UBN2: variants seen among roughly 807,000 people sequenced by gnomAD.
The protein encoded by UBN2 is ubinuclein-2.
Under a neutral mutation model 120.2 loss-of-function variants are expected in UBN2, and 35 were observed. The observed-to-expected ratio is 0.29, with a 90% CI of 0.22 to 0.39. The LOEUF is 0.39. UBN2 is among the 10% of genes least tolerant of loss of function. The pLI, the probability that UBN2 is intolerant of heterozygous loss-of-function variation, is 1.00. For synonymous variants in UBN2, 661 were observed against 648.7 expected, an observed-to-expected ratio of 1.02 and a Z score of -0.29; for missense variants, 1,693 against 1,663.2, an observed-to-expected ratio of 1.02 and a Z score of -0.31.
At chr7:139,269,544 A>G (rs372341236) in intron 8 of UBN2, 21 bp downstream of exon 8, 1 of 1,611,946 alleles carries the variant, frequency 6.2e-7, no homozygotes. Flanking sequence ...GAACAATAAT[A>G]TCTACATCTT....
rs1798341498 is a variant in UBN2, at chr7:139,305,408, AC to A, written c.*7573del. 1 of 152,206 alleles carries A rather than the reference AC, an allele frequency of 6.6e-6. No homozygotes were observed. The highest frequency in any genetic ancestry group is 2.1e-4 in the South Asian group (1 of 4,830). The allele number at this position is 152,206 out of a possible 1,614,324, so 9.4% of individuals were successfully genotyped here. On this transcript the variant is annotated 3_prime_UTR_variant, in exon 18 of 18. Transcript: ENST00000473989. Reference sequence around the variant, plus strand: ...GCCCTGTGCAGGCCTGCTTTAGAAGACTTTACATCCCAGCAGAGGATTCAGG... The same window carrying A: ...GCCCTGTGCAGGCCTGCTTTAGAAGATTTACATCCCAGCAGAGGATTCAGG...
At chr7:139,253,353 A>T (rs868154342) in intron 3 of UBN2, among the ~76,000 whole-genome samples, 1 of 152,208 alleles carries the variant, frequency 6.6e-6, no homozygotes, top group South Asian at 2.1e-4. Context: ...AATTTCTAGC[A>T]GTGGAATTTA....
chr7:139,246,451 A>G (rs1475929893), intron 2 of UBN2, among the ~76,000 whole-genome samples: 2 of 152,230 alleles, frequency 1.3e-5, no homozygotes, highest in African/African-American at 4.8e-5. Context: ...TAGTATTGAC[A>G]GTTAGAATGG....
At chr7:139,328,345 C>A in the UBN2 span, among the ~76,000 whole-genome samples, 1 of 152,150 alleles carries the variant, frequency 6.6e-6, no homozygotes, top group Non-Finnish European at 1.5e-5. Context: ...CACTCACTGT[C>A]GTGCGAATAG....
rs190345179 is a variant in UBN2, at chr7:139,282,395, C to T, written c.2118+340C>T. On this transcript the variant is annotated intron_variant, in intron 14 of 17. Transcript: ENST00000473989. ...TCTTAGCATAGAGCCCTGCTCACAGCGGACACTTAGTGGATATATATTGAA... is the reference window on the plus strand; with the variant it reads ...TCTTAGCATAGAGCCCTGCTCACAGTGGACACTTAGTGGATATATATTGAA... Among the ~76,000 whole-genome samples, 5 of 152,182 alleles carry T rather than the reference C, an allele frequency of 3.3e-5. No homozygotes were observed. The East Asian group carries it at 7.7e-4, about 23-fold the overall frequency.
chr7:139,267,525 G>A, intron 7 of UBN2, among the ~76,000 whole-genome samples: 2 of 147,344 alleles, frequency 1.4e-5, no homozygotes, highest in African/African-American at 2.5e-5. Flanking sequence ...GATAGGGTGA[G>A]ACTCTGTCTC....
chr7:139,275,226 C>T (rs1245548563), intron 11 of UBN2, among the ~76,000 whole-genome samples: 3 of 134,852 alleles, frequency 2.2e-5, no homozygotes, highest in Non-Finnish European at 3.1e-5. Context: ...TACAGTGAGC[C>T]GAGATTGCAC....
Position 139,279,367 on chromosome 7 carries a change from A to G in UBN2, c.2067+7A>G, listed in dbSNP as rs777383924. 6 of 1,595,430 alleles carry G rather than the reference A, an allele frequency of 3.8e-6. No individual in the cohort carries two copies. The highest frequency in any genetic ancestry group is 5.1e-6 in the Non-Finnish European group (6 of 1,170,224). ...ACCTAAACCCAAAGTAAAGGTAAGT[A>G]CTGAAACAAAATATTTAATTAGTTA... On this transcript the variant is annotated splice_region_variant and intron_variant, in intron 13 of 17. Coordinates refer to ENST00000473989, the MANE Select transcript of UBN2 (RefSeq NM_173569.4).
At chr7:139,241,519 C>G (rs1796318738) in intron 2 of UBN2, among the ~76,000 whole-genome samples, 1 of 152,054 alleles carries the variant, frequency 6.6e-6, no homozygotes, top group Non-Finnish European at 1.5e-5. Flanking sequence ...TCTCAGAGCC[C>G]TAGTAGTTTC....
chr7:139,266,264 C>T (rs1360436997), intron 6 of UBN2, 69 bp from the exon 7 acceptor site: 15 of 893,406 alleles, frequency 1.7e-5, no homozygotes, highest in East Asian at 5.4e-5. Context: ...CCTTTGAACA[C>T]GTGTCCTAAG....
At chr7:139,246,662 C>T (rs1429604874) in intron 2 of UBN2, among the ~76,000 whole-genome samples, 2 of 152,144 alleles carry the variant, frequency 1.3e-5, no homozygotes, top group Admixed American at 1.3e-4. Flanking sequence ...AATCATGATA[C>T]GGAACAATTG....
chr7:139,260,914 T>C (rs1407570617), intron 5 of UBN2, among the ~76,000 whole-genome samples: 1 of 152,258 alleles, frequency 6.6e-6, no homozygotes, highest in Non-Finnish European at 1.5e-5. Flanking sequence ...AACACGGGGC[T>C]GCCTTTAAGA....
At chr7:139,294,725 C>T (rs1798062209) in intron 17 of UBN2, among the ~76,000 whole-genome samples, 1 of 152,134 alleles carries the variant, frequency 6.6e-6, no homozygotes, top group African/African-American at 2.4e-5. Context: ...CCTGTAGTCC[C>T]AGCTACTTGG....
chr7:139,308,526 G>T (rs1431447907), downstream of UBN2, among the ~76,000 whole-genome samples: 1 of 152,152 alleles, frequency 6.6e-6, no homozygotes, highest in African/African-American at 2.4e-5. Flanking sequence ...AATGTGGGAA[G>T]ACTCAGTGCA....
At chr7:139,292,995 G>A (rs1459153225) in intron 15 of UBN2, among the ~76,000 whole-genome samples, 2 of 152,192 alleles carry the variant, frequency 1.3e-5, no homozygotes, top group African/African-American at 4.8e-5. Context: ...CAAAAGTGGA[G>A]GAGTGCGAGT....
the UBN2 span, among the ~76,000 whole-genome samples, chr7:139,322,602 G>T: frequency 4.6e-3 from 626 of 134,698 alleles, 5 homozygotes; most frequent in African/African-American, 0.017. Context: ...GAGTTTTCAT[G>T]TTATACCATC....
At position 139,307,169 on chromosome 7, in the gene UBN2, A is replaced by T. The variant is rs1053708649; in HGVS notation, c.*9333A>T. On this transcript the variant is annotated 3_prime_UTR_variant, in exon 18 of 18. Coordinates refer to ENST00000473989, the MANE Select transcript of UBN2 (RefSeq NM_173569.4). ...TAGATGCCAACATGTTTCAAAACCA[A>T]TCTTGAAGGAGCCTAAAGAGTTGAT... The T allele has an allele frequency of 1.3e-5, 2 of 152,182 alleles. No homozygotes were observed. The highest frequency in any genetic ancestry group is 4.8e-5 in the African/African-American group (2 of 41,436). The allele number at this position is 152,182 out of a possible 1,614,324, so 9.4% of individuals were successfully genotyped here.
chr7:139,274,473 A>G (rs897474420), intron 11 of UBN2, among the ~76,000 whole-genome samples: 3 of 152,162 alleles, frequency 2.0e-5, no homozygotes, highest in Non-Finnish European at 4.4e-5. Flanking sequence ...CAAAATAGTC[A>G]GTGTAGAGGC....
At chr7:139,287,053 G>C (rs1797811946) in intron 15 of UBN2, among the ~76,000 whole-genome samples, 1 of 151,936 alleles carries the variant, frequency 6.6e-6, no homozygotes, top group South Asian at 2.1e-4. Context: ...TGATACTAGG[G>C]ATTATATGTT....
Sources: gnomAD v4.1 joint callset for allele counts (sites outside exome capture counted in the v4.1 genomes callset) on GRCh38, gnomAD v4.1.1 for gene constraint, MANE v1.5 for transcripts, NCBI Gene and HGNC (gene_info 2026-07-23, HGNC 2026-07-21) for gene names.